Variants in KLHDC10 observed in about 807,000 individuals in gnomAD.
KLHDC10 encodes the protein kelch domain-containing protein 10.
In KLHDC10, 24 loss-of-function variants were observed where a neutral mutation model predicts 56.1. The ratio of observed to expected loss-of-function variants is 0.43; its 90% CI spans 0.31 to 0.60. The LOEUF is 0.60. Ranked by LOEUF, KLHDC10 falls within the 20% of genes least tolerant of loss-of-function variation. The probability of loss-of-function intolerance (pLI) is 0.11; values close to 1 mark genes in which losing one functional copy is unlikely to be tolerated. For synonymous variants in KLHDC10, 188 were observed against 207.1 expected, an observed-to-expected ratio of 0.91 and a Z score of 0.79; for missense variants, 349 against 567.0, an observed-to-expected ratio of 0.62 and a Z score of 3.91.
intron 1 of KLHDC10, among the ~76,000 whole-genome samples, chr7:130,075,441 T>C (rs962879414): frequency 2.6e-5 from 4 of 152,224 alleles, no homozygotes; most frequent in African/African-American, 9.6e-5. Context: ...AAGTTTTTCT[T>C]CTTCCTTTGA....
At chr7:130,101,607 G>A (rs1007937603) in intron 2 of KLHDC10, among the ~76,000 whole-genome samples, 5 of 152,108 alleles carry the variant, frequency 3.3e-5, no homozygotes, top group African/African-American at 1.2e-4. Flanking sequence ...AAAGCCATGA[G>A]AACATTTCAA....
chr7:130,084,448 A>G (rs1053191888), intron 1 of KLHDC10, among the ~76,000 whole-genome samples: 3 of 152,148 alleles, frequency 2.0e-5, no homozygotes, highest in Non-Finnish European at 2.9e-5. Flanking sequence ...AGGATTTGCT[A>G]TGAGGTGTGA....
chr7:130,078,411 G>A (rs1203155891), intron 1 of KLHDC10, among the ~76,000 whole-genome samples: 10 of 152,070 alleles, frequency 6.6e-5, no homozygotes, highest in Non-Finnish European at 1.5e-5. Flanking sequence ...ATAAAATAGA[G>A]ATGGAGTCTT....
chr7:130,088,570 C>G (rs1795724631), intron 1 of KLHDC10, among the ~76,000 whole-genome samples: 5 of 151,512 alleles, frequency 3.3e-5, no homozygotes, highest in Admixed American at 3.3e-4. Context: ...GCCACCAGTC[C>G]CGGCCGTGTC....
chr7:130,119,614 C>T (rs1252707501), intron 3 of KLHDC10, among the ~76,000 whole-genome samples: 2 of 148,354 alleles, frequency 1.3e-5, no homozygotes, highest in African/African-American at 2.5e-5. Context: ...GAGGCCAAGG[C>T]AGGTGGATCA....
intron 1 of KLHDC10, among the ~76,000 whole-genome samples, chr7:130,089,658 A>G (rs1277720601): frequency 6.6e-6 from 1 of 152,190 alleles, no homozygotes; most frequent in Non-Finnish European, 1.5e-5. Flanking sequence ...GGTACATTGG[A>G]GAATAGAGTG....
At chr7:130,074,446 A>G (rs1159819947) in intron 1 of KLHDC10, among the ~76,000 whole-genome samples, 1 of 152,160 alleles carries the variant, frequency 6.6e-6, no homozygotes, top group African/African-American at 2.4e-5. Flanking sequence ...GCGTATACAT[A>G]TACACACATA....
intron 5 of KLHDC10, among the ~76,000 whole-genome samples, chr7:130,123,578 G>A (rs1796279181): frequency 2.0e-5 from 3 of 151,780 alleles, no homozygotes; most frequent in Admixed American, 2.0e-4. Context: ...ACTCTATTTA[G>A]ATGAATCCAG....
At chr7:130,126,168 A>T (rs118071208) in intron 7 of KLHDC10, among the ~76,000 whole-genome samples, 4,278 of 152,064 alleles carry the variant, frequency 0.028, 197 homozygotes, top group African/African-American at 0.098. Flanking sequence ...ATACAAAAAA[A>T]TTTGCTGGGC....
At chr7:130,125,161 G>A (rs1353735608) in intron 6 of KLHDC10, among the ~76,000 whole-genome samples, 1 of 152,218 alleles carries the variant, frequency 6.6e-6, no homozygotes, top group Non-Finnish European at 1.5e-5. Flanking sequence ...AAATGTGGAA[G>A]TTGCAGAACA....
At chr7:130,128,887 A>AT (rs1434178196) in intron 8 of KLHDC10, among the ~76,000 whole-genome samples, 57 of 68,226 alleles carry the variant, frequency 8.4e-4, no homozygotes, top group Middle Eastern at 6.3e-3. Flanking sequence ...AAAAAAAAAA[A>AT]AAATATATAT....
At chr7:130,095,414 G>T (rs1190009583) in intron 1 of KLHDC10, among the ~76,000 whole-genome samples, 1 of 152,060 alleles carries the variant, frequency 6.6e-6, no homozygotes, top group Non-Finnish European at 1.5e-5. Flanking sequence ...GAACATTTTA[G>T]CTTTTTGAAA....
chr7:130,128,897 T>A (rs1297888646), intron 8 of KLHDC10, among the ~76,000 whole-genome samples: 7,310 of 96,782 alleles, frequency 0.076, 489 homozygotes, highest in Middle Eastern at 0.1. Flanking sequence ...AAAATATATA[T>A]ATATATATAT....
intron 1 of KLHDC10, among the ~76,000 whole-genome samples, chr7:130,077,380 A>AAAAC (rs1795525124): frequency 2.0e-5 from 3 of 148,128 alleles, no homozygotes; most frequent in African/African-American, 7.4e-5. Context: ...AAAAAAAAAA[A>AAAAC]AACAGTATAT....
intron 8 of KLHDC10, among the ~76,000 whole-genome samples, chr7:130,127,890 A>T (rs778782195): frequency 1.6e-4 from 24 of 152,350 alleles, no homozygotes; most frequent in Middle Eastern, 6.8e-3. Flanking sequence ...CTCTTCACTC[A>T]TTCTTTGGCC....
intron 1 of KLHDC10, among the ~76,000 whole-genome samples, chr7:130,092,595 G>A (rs1271459240): frequency 6.6e-6 from 1 of 152,108 alleles, no homozygotes; most frequent in Non-Finnish European, 1.5e-5. Context: ...TCCCCACGGG[G>A]TTCTACCTTC....
Position 130,116,666 on chromosome 7 carries a change from C to T in KLHDC10, c.475C>T (p.Leu159Phe), listed in dbSNP as rs753672065. 10 of 1,612,574 alleles carry T rather than the reference C, an allele frequency of 6.2e-6. No homozygotes were observed. Among genetic ancestry groups the T allele is most frequent in the Admixed American group, 1.7e-5 (1 of 59,996 alleles). Residue 159 changes from leucine to phenylalanine, a missense_variant and splice_region_variant, in exon 3 of 10, where the codon CTT becomes TTT. Physicochemically the swap from Leu to Phe is conservative, Grantham distance 22. Coordinates refer to ENST00000335420, the MANE Select transcript of KLHDC10 (RefSeq NM_014997.4). The surrounding 1 kb of genome is among the most constrained non-coding windows in gnomAD (Gnocchi z 4.8). ...GCCCCGGGAATTGGCATCTATGTCA[C>T]GTGAGTGCAAGCAGTTCGTAACTCC... Reference protein sequence around the residue: ...YMPRELASMSLVLHGNNLLVF... With the variant: ...YMPRELASMSFVLHGNNLLVF...
intron 2 of KLHDC10, among the ~76,000 whole-genome samples, chr7:130,110,269 A>T (rs1306775751): frequency 6.6e-6 from 1 of 152,242 alleles, no homozygotes; most frequent in Non-Finnish European, 1.5e-5. Context: ...CTGTCTGTCC[A>T]TGGGACTTTT....
chr7:130,112,514 G>A (rs1366301281), intron 2 of KLHDC10, among the ~76,000 whole-genome samples: 1 of 152,166 alleles, frequency 6.6e-6, no homozygotes, highest in Non-Finnish European at 1.5e-5. Flanking sequence ...TAATTTTTAG[G>A]AAAATGGGAT....
Sources: gnomAD v4.1 joint callset for allele counts (sites outside exome capture counted in the v4.1 genomes callset) on GRCh38, gnomAD v4.1.1 for gene constraint, Gnocchi (gnomAD v3.1) non-coding constraint, MANE v1.5 for transcripts, NCBI Gene and HGNC (gene_info 2026-07-23, HGNC 2026-07-21) for gene names.